The following IWS1 variants were observed in gnomAD, a reference collection of about 807,000 sequenced individuals.
IWS1 encodes protein IWS1 homolog.
IWS1 carries 27 observed loss-of-function variants against 86.7 expected under a neutral mutation model. That is an observed-to-expected ratio of 0.31 (90% CI 0.23 to 0.43). The LOEUF is 0.43. Ranked by LOEUF, IWS1 falls within the 20% of genes least tolerant of loss-of-function variation. The pLI, the probability that IWS1 is intolerant of heterozygous loss-of-function variation, is 1.00. For synonymous variants in IWS1, 313 were observed against 335.1 expected (o/e 0.93, Z 0.72); for missense variants, 827 against 1,000.8 (o/e 0.83, Z 2.34).
In IWS1 at chr2:127,502,712, T is replaced by C. The variant is rs1041767632; in HGVS notation, c.1467+103A>G. ...GATTTTTATCTTGAATACATCATAATTGTTTATTCCTACTTATTAGAATCA... is the reference window on the plus strand; with the variant it reads ...GATTTTTATCTTGAATACATCATAACTGTTTATTCCTACTTATTAGAATCA... On this transcript the variant is annotated intron_variant, in intron 5 of 13. Transcript: ENST00000295321. The C allele has an allele frequency of 1.5e-4, 86 of 592,938 alleles. 1 individual carries two copies. Among genetic ancestry groups the C allele is most frequent in the African/African-American group, 9.9e-4 (53 of 53,774 alleles). The allele number at this position is 592,938 out of a possible 1,614,324, so 36.7% of individuals were successfully genotyped here.
chr2:127,498,506 CA>C (rs1337258159), intron 5 of IWS1, among the ~76,000 whole-genome samples: 1 of 152,190 alleles, frequency 6.6e-6, no homozygotes, highest in Non-Finnish European at 1.5e-5. Context: ...AGAGTGGGTA[CA>C]GGATAATGCT....
At chr2:127,482,676 C>T (rs567848093) in intron 13 of IWS1, 1 of 152,224 alleles carries the variant, frequency 6.6e-6, no homozygotes, top group African/African-American at 2.4e-5. Context: ...CCTGATGGAT[C>T]TGTCTAGCCT....
chr2:127,496,130 A>G lies in IWS1; in HGVS notation c.1584T>C (p.Asp528=). The G allele has an allele frequency of 1.2e-6, 2 of 1,613,354 alleles. No homozygotes were observed. The highest frequency in any genetic ancestry group is 1.7e-6 in the Non-Finnish European group (2 of 1,179,738). Reference sequence around the variant, plus strand: ...TTTTTCGCTGCAACATCATCTCAAAATCTGACAGAAAGTCCATACTAAAGC... The same window carrying G: ...TTTTTCGCTGCAACATCATCTCAAAGTCTGACAGAAAGTCCATACTAAAGC... ...KRGKHMDFLS[D]FEMMLQRKKS... is the part of the protein sequence containing the mutation. Residue 528 remains aspartate (D), a synonymous_variant, in exon 7 of 14, where the codon GAT becomes GAC. Coordinates refer to ENST00000295321, the MANE Select transcript of IWS1 (RefSeq NM_017969.3).
chr2:127,494,245 T>TAA (rs11327472), intron 8 of IWS1, among the ~76,000 whole-genome samples: 2 of 94,088 alleles, frequency 2.1e-5, no homozygotes, highest in Non-Finnish European at 4.0e-5. Context: ...TGTCTCTAAT[T>TAA]AAAAAAAAAA....
chr2:127,481,266 G>C, intron 13 of IWS1, 91 bp from the exon 14 acceptor site: 1 of 1,210,248 alleles, frequency 8.3e-7, no homozygotes, highest in Non-Finnish European at 1.1e-6. Flanking sequence ...TTAGCAACCA[G>C]AAGAGCTTCT....
chr2:127,481,245 T>C, intron 13 of IWS1, 70 bp from the exon 14 acceptor site: 1 of 1,429,078 alleles, frequency 7.0e-7, no homozygotes, highest in East Asian at 2.4e-5. Context: ...TTTCATCTTC[T>C]TATAACTGAG....
At chr2:127,524,476 C>A (rs1432977142) in intron 1 of IWS1, among the ~76,000 whole-genome samples, 1 of 151,526 alleles carries the variant, frequency 6.6e-6, no homozygotes, top group Admixed American at 6.6e-5. Context: ...CACCCAGCCC[C>A]AATACTTTAA....
At chr2:127,502,768 CA>C (rs757933480) in intron 5 of IWS1, 46 bp downstream of exon 5, 217 of 1,057,744 alleles carry the variant, frequency 2.1e-4, no homozygotes, top group South Asian at 2.8e-4. Flanking sequence ...ATAAAAACAC[CA>C]AAAAAAAGCA....
intron 1 of IWS1, among the ~76,000 whole-genome samples, chr2:127,524,773 C>T (rs1364202283): frequency 6.6e-6 from 1 of 151,698 alleles, no homozygotes; most frequent in African/African-American, 2.4e-5. Context: ...AAACTCCTGA[C>T]CTCAGGTGTT....
intron 2 of IWS1, among the ~76,000 whole-genome samples, chr2:127,508,060 T>C (rs189513504): frequency 1.9e-3 from 292 of 152,302 alleles, no homozygotes; most frequent in Non-Finnish European, 1.5e-3. Context: ...TTGAAGCATT[T>C]TGGATAAGGG....
rs889015505 is a variant in IWS1 at position 127,489,658 on chromosome 2, C to T, written c.2159+174G>A. Reference sequence around the variant, plus strand: ...AAAGGTCTGGTTAGGAGGACAGGACCCTCACTATACACTATCACATTTAAA... The same window carrying T: ...AAAGGTCTGGTTAGGAGGACAGGACTCTCACTATACACTATCACATTTAAA... On this transcript the variant is annotated intron_variant, in intron 11 of 13. Transcript: ENST00000295321. The surrounding 1 kb of genome is among the most constrained non-coding windows in gnomAD (Gnocchi z 4.8). 2.2e-5 allele frequency: 13 copies of T among 587,684 alleles called. No individual in the cohort carries two copies. The highest frequency in any genetic ancestry group is 2.1e-4 in the African/African-American group (11 of 53,046). The allele number at this position is 587,684 out of a possible 1,614,324, so 36.4% of individuals were successfully genotyped here. A position where few individuals can be genotyped will look rare whatever the true frequency, so the allele number is the denominator to read the frequency against.
At chr2:127,496,550 T>TACACACACACACACACACACACACAC (rs36048775) in intron 6 of IWS1, among the ~76,000 whole-genome samples, 1 of 140,330 alleles carries the variant, frequency 7.1e-6, no homozygotes, top group Non-Finnish European at 1.5e-5. Context: ...TATTTTATCA[T>TACACACACACACACACACACACACAC]ACACACACAC....
At chr2:127,519,327 T>G (rs908768738) in intron 2 of IWS1, among the ~76,000 whole-genome samples, 3 of 150,986 alleles carry the variant, frequency 2.0e-5, no homozygotes, top group Non-Finnish European at 4.4e-5. Context: ...AGATTATTTA[T>G]AGACATATAC....
chr2:127,509,670 T>C (rs1041456896), intron 2 of IWS1, among the ~76,000 whole-genome samples: 13 of 125,988 alleles, frequency 1.0e-4, no homozygotes, highest in Non-Finnish European at 1.9e-4. Context: ...ATCGTGCCAC[T>C]GCACTCCAGC....
chr2:127,518,505 T>G (rs1261375718), intron 2 of IWS1, among the ~76,000 whole-genome samples: 1 of 151,746 alleles, frequency 6.6e-6, no homozygotes, highest in Non-Finnish European at 1.5e-5. Flanking sequence ...CAGTGTAAGA[T>G]TCTGCCTCAA....
chr2:127,488,505 G>C (rs1690052151), intron 12 of IWS1, among the ~76,000 whole-genome samples: 1 of 152,144 alleles, frequency 6.6e-6, no homozygotes. Context: ...ACCAACATAT[G>C]ACAGCTTTGC....
intron 9 of IWS1, 81 bp from the exon 10 acceptor site, chr2:127,492,169 A>G: frequency 1.2e-6 from 1 of 813,202 alleles, no homozygotes; most frequent in South Asian, 1.4e-5. Context: ...GACCTGGCAC[A>G]TTCACAACAG....
At chr2:127,482,696 G>A (rs891925769) in intron 13 of IWS1, 1 of 152,182 alleles carries the variant, frequency 6.6e-6, no homozygotes, top group Non-Finnish European at 1.5e-5. Flanking sequence ...TCAGCAATCA[G>A]GGCACACACG....
In IWS1 at chr2:127,526,484, G is replaced by GT; in HGVS notation, c.-277_-276insA. On this transcript the variant is annotated 5_prime_UTR_variant, in exon 1 of 14. Transcript: ENST00000295321. The stretch of plus-strand genomic sequence containing the variant: ...TAGAAGCACCGCTGGGGCCAAAATG[G>GT]CGTCTGCCCACGACCCTCAAAGGAA... 3 of 1,520,396 alleles carry GT rather than the reference G, an allele frequency of 2.0e-6. No individual in the cohort carries two copies. Among genetic ancestry groups the GT allele is most frequent in the Non-Finnish European group, 2.7e-6 (3 of 1,129,158 alleles). 94.2% of individuals were successfully genotyped at this position (1,520,396 alleles called of 1,614,324 possible). A position where few individuals can be genotyped will look rare whatever the true frequency, so the allele number is the denominator to read the frequency against.
Sources: allele counts gnomAD v4.1 joint callset (sites outside exome capture counted in the v4.1 genomes callset), GRCh38; gene constraint gnomAD v4.1.1; non-coding constraint Gnocchi (gnomAD v3.1); transcripts MANE v1.5; gene names NCBI Gene and HGNC (gene_info 2026-07-23, HGNC 2026-07-21).